STK31: variants seen among roughly 807,000 people sequenced by gnomAD.
STK31 encodes serine/threonine-protein kinase 31.
In STK31, 89 loss-of-function variants were observed where a neutral mutation model predicts 129.7. That is an observed-to-expected ratio of 0.69 (90% CI 0.58 to 0.82). The LOEUF (loss-of-function observed/expected upper bound fraction) is 0.82. Ranked by LOEUF, STK31 falls within the 40% of genes least tolerant of loss-of-function variation. The pLI is 0.00. For missense variants in STK31, 1,187 were observed against 1,176.4 expected (o/e 1.01, Z -0.13); for synonymous variants, 448 against 395.3 (o/e 1.13, Z -1.58).
intron 22 of STK31, among the ~76,000 whole-genome samples, chr7:23,808,754 T>C (rs1338075420): frequency 6.6e-6 from 1 of 152,108 alleles, no homozygotes; most frequent in African/African-American, 2.4e-5. Context: ...CCATGACTTG[T>C]TGCTGCTGGG....
chr7:23,806,692 A>G (rs1792725855), intron 22 of STK31, among the ~76,000 whole-genome samples: 1 of 152,062 alleles, frequency 6.6e-6, no homozygotes, highest in Non-Finnish European at 1.5e-5. Flanking sequence ...CGAGGTCAGG[A>G]GATAGAGACC....
chr7:23,754,318 TG>T lies in STK31; in HGVS notation c.1138del (p.Val380SerfsTer29). On this transcript the variant is annotated frameshift_variant, in exon 10 of 24. Transcript: ENST00000355870. LOFTEE classifies it high-confidence loss of function. ...KMEILKEMRH[V>X]DISVRFGKDL... ...TTTTTGATGTTTTTAAAAATAGGCATGTCGACATCAGTGTCCGTTTCGGAAA... is the reference window on the plus strand; with the variant it reads ...TTTTTGATGTTTTTAAAAATAGGCATTCGACATCAGTGTCCGTTTCGGAAA... 3 of 1,602,506 alleles carry T rather than the reference TG, an allele frequency of 1.9e-6. No homozygotes were observed. The highest frequency in any genetic ancestry group is 2.5e-6 in the Non-Finnish European group (3 of 1,177,416).
chr7:23,710,209 T>A (rs1205025054), upstream of STK31: 1 of 1,609,376 alleles, frequency 6.2e-7, no homozygotes, highest in Non-Finnish European at 8.5e-7. Flanking sequence ...AGGCGCAGTG[T>A]GGGGCCCTTG....
chr7:23,749,266 C>T (rs962663224), intron 8 of STK31, among the ~76,000 whole-genome samples: 12 of 151,722 alleles, frequency 7.9e-5, no homozygotes, highest in Admixed American at 3.3e-4. Context: ...ACATCTGGTT[C>T]TGAATGTTTT....
At position 23,790,962 on chromosome 7, in the gene STK31, G is replaced by T; in HGVS notation, c.2760+16G>T. The T allele has an allele frequency of 6.5e-7, 1 of 1,527,588 alleles. No homozygotes were observed. The highest frequency in any genetic ancestry group is 8.7e-7 in the Non-Finnish European group (1 of 1,143,078). 94.6% of individuals were successfully genotyped at this position (1,527,588 alleles called of 1,614,324 possible). On this transcript the variant is annotated intron_variant, in intron 22 of 23. Coordinates refer to ENST00000355870, the MANE Select transcript of STK31 (RefSeq NM_031414.5). ...CTTATTATGGGTATGTTATTTTTTTGTTGAAATAGATCATATATATATATA... is the reference window on the plus strand; with the variant it reads ...CTTATTATGGGTATGTTATTTTTTTTTTGAAATAGATCATATATATATATA...
At chr7:23,812,414 T>C (rs13221128) in intron 22 of STK31, among the ~76,000 whole-genome samples, 2 of 73,916 alleles carry the variant, frequency 2.7e-5, no homozygotes, top group South Asian at 7.3e-4. Flanking sequence ...ATTCCTTTCC[T>C]TTTTTTTTTT....
intron 8 of STK31, among the ~76,000 whole-genome samples, chr7:23,746,194 G>A (rs965182614): frequency 3.3e-5 from 5 of 152,160 alleles, no homozygotes; most frequent in Non-Finnish European, 7.3e-5. Flanking sequence ...CCCAACATGA[G>A]CTCCCTGTAT....
chr7:23,771,108 A>T lies in STK31; in HGVS notation c.1817A>T (p.Tyr606Phe). The change falls in exon 14 of 24, where the codon TAC (tyrosine) becomes TTC (phenylalanine). Residue 606 changes from tyrosine (Y) to phenylalanine (F), a missense_variant. Tyr to Phe is a conservative substitution (Grantham distance 22, BLOSUM62 3). This residue lies in a region of STK31 where 975 missense variants were observed against 934.9 expected (regional missense o/e 1.04). Coordinates refer to ENST00000355870, the MANE Select transcript of STK31 (RefSeq NM_031414.5). The stretch of plus-strand genomic sequence containing the variant: ...CTCATTGCCACAGTACAAGCTAAGT[A>T]CAAGGACAGTATTGAGGTTTGATTG... ...ERLIATVQAK[Y>F]KDSIEFKKQL... 1 of 1,610,138 alleles carries T rather than the reference A, an allele frequency of 6.2e-7. No individual in the cohort carries two copies. The highest frequency in any genetic ancestry group is 8.5e-7 in the Non-Finnish European group (1 of 1,178,390).
intron 17 of STK31, among the ~76,000 whole-genome samples, chr7:23,784,123 T>A (rs916077513): frequency 7.2e-5 from 11 of 152,062 alleles, no homozygotes; most frequent in Admixed American, 1.3e-4. Flanking sequence ...TAGGCAGGAT[T>A]CAAAAGCTGG....
intron 22 of STK31, among the ~76,000 whole-genome samples, chr7:23,812,503 A>G (rs758109073): frequency 1.9e-4 from 24 of 125,776 alleles, no homozygotes; most frequent in Non-Finnish European, 3.6e-4. Flanking sequence ...TTCAACCATT[A>G]TTTTCTTAAA....
intron 21 of STK31, among the ~76,000 whole-genome samples, chr7:23,789,986 C>A (rs1198857578): frequency 6.6e-6 from 1 of 152,026 alleles, no homozygotes; most frequent in East Asian, 1.9e-4. Flanking sequence ...GCTTTTCAGG[C>A]CTTATAGTGC....
chr7:23,787,801 T>G (rs1791383970), intron 20 of STK31, among the ~76,000 whole-genome samples, 179 bp from the exon 21 acceptor site: 1 of 149,750 alleles, frequency 6.7e-6, no homozygotes, highest in South Asian at 2.1e-4. Flanking sequence ...CAGGCACACA[T>G]GGTATCACCA....
chr7:23,769,261 C>G, intron 12 of STK31, 87 bp downstream of exon 12: 1 of 1,224,272 alleles, frequency 8.2e-7, no homozygotes, highest in Non-Finnish European at 1.1e-6. Context: ...CAAGAGCTGA[C>G]ATCATCTACC....
rs145061853 is a variant in STK31, at chr7:23,769,107, C to T, written c.1529C>T (p.Thr510Ile). The T allele has an allele frequency of 1.2e-4, 189 of 1,612,942 alleles. No homozygotes were observed. In the African/African-American group the frequency reaches 2.3e-3, roughly 19 times the overall value. Residue 510 changes from threonine (T) to isoleucine (I), a missense_variant, in exon 12 of 24, where the codon ACC becomes ATC. By Grantham distance (89) the Thr-to-Ile change is moderately conservative. Coordinates refer to ENST00000355870, the MANE Select transcript of STK31 (RefSeq NM_031414.5). The part of the protein sequence containing the change: ...DWKCDKREEF[T>I]SVRSETDASL... ...AAGTGTGATAAAAGAGAGGAGTTCA[C>T]CAGTGTTAGAAGTGAAACAGACGCT...
intron 10 of STK31, 141 bp from the exon 11 acceptor site, chr7:23,762,660 G>T (rs2064330322): frequency 1.1e-6 from 1 of 874,026 alleles, no homozygotes; most frequent in South Asian, 2.4e-5. Context: ...TCATTTTGTT[G>T]ATCTAAGGAG....
intron 17 of STK31, 113 bp downstream of exon 17, chr7:23,783,776 G>A: frequency 2.6e-6 from 2 of 783,774 alleles, no homozygotes; most frequent in Non-Finnish European, 3.9e-6. Flanking sequence ...AAATACTCCT[G>A]ATGAATATTT....
chr7:23,805,468 A>G (rs911651424), intron 22 of STK31, among the ~76,000 whole-genome samples: 1 of 152,022 alleles, frequency 6.6e-6, no homozygotes, highest in Non-Finnish European at 1.5e-5. Context: ...GTGACCAAAC[A>G]TATTTGTTTT....
chr7:23,756,263 G>A (rs1369098992), intron 10 of STK31, among the ~76,000 whole-genome samples: 1 of 152,130 alleles, frequency 6.6e-6, no homozygotes, highest in East Asian at 1.9e-4. Context: ...TAGCAATTGT[G>A]AATGGGAGTT....
intron 22 of STK31, among the ~76,000 whole-genome samples, chr7:23,795,725 G>A (rs538907092): frequency 3.3e-5 from 5 of 152,356 alleles, no homozygotes; most frequent in South Asian, 2.1e-4. Flanking sequence ...TCTTGCATCA[G>A]TGTGACCTGG....
Sources: allele counts gnomAD v4.1 joint callset (sites outside exome capture counted in the v4.1 genomes callset), GRCh38; gene constraint gnomAD v4.1.1; regional missense constraint gnomAD v4.1.1; transcripts MANE v1.5; gene names NCBI Gene and HGNC (gene_info 2026-07-23, HGNC 2026-07-21).